CDH13: variants seen among roughly 807,000 people sequenced by gnomAD.
CDH13 encodes cadherin 13.
Under a neutral mutation model 63.8 loss-of-function variants are expected in CDH13, and 24 were observed. That is an observed-to-expected ratio of 0.38 (90% CI 0.27 to 0.53). The LOEUF is 0.53. Ranked by LOEUF, CDH13 falls within the 20% of genes least tolerant of loss-of-function variation. CDH13 has a pLI of 0.85. For synonymous variants in CDH13, 503 were observed against 355.3 expected (o/e 1.42, Z -4.67); for missense variants, 1,049 against 903.1 (o/e 1.16, Z -2.07).
chr16:82,803,850 C>T (rs1458606185), intron 1 of CDH13, among the ~76,000 whole-genome samples: 1 of 152,134 alleles, frequency 6.6e-6, no homozygotes, highest in Non-Finnish European at 1.5e-5. Flanking sequence ...GGGTATAAAG[C>T]ATCAATTATA....
intron 10 of CDH13, among the ~76,000 whole-genome samples, chr16:83,693,847 A>G (rs1172756892): frequency 6.6e-6 from 1 of 152,226 alleles, no homozygotes; most frequent in Non-Finnish European, 1.5e-5. Context: ...TGCTCTGCAA[A>G]GTACCTCACA....
chr16:82,919,469 T>C (rs1042012908), intron 2 of CDH13, among the ~76,000 whole-genome samples: 1 of 152,228 alleles, frequency 6.6e-6, no homozygotes, highest in African/African-American at 2.4e-5. Context: ...TATTTGGTTT[T>C]CTGTTCTTGT....
chr16:82,881,787 ACTAT>A (rs1467729445), intron 2 of CDH13, among the ~76,000 whole-genome samples: 1 of 152,056 alleles, frequency 6.6e-6, no homozygotes, highest in East Asian at 1.9e-4. Context: ...GAGGGGGCTG[ACTAT>A]CTGAGTGTCC....
At chr16:83,306,171 G>C (rs2151881156) in intron 5 of CDH13, among the ~76,000 whole-genome samples, 3 of 152,298 alleles carry the variant, frequency 2.0e-5, no homozygotes, top group Admixed American at 2.0e-4. Flanking sequence ...CGTTGTCACT[G>C]GTTGAGAACT....
chr16:83,599,973 A>T (rs1711641883), intron 7 of CDH13, among the ~76,000 whole-genome samples: 1 of 152,194 alleles, frequency 6.6e-6, no homozygotes, highest in South Asian at 2.1e-4. Flanking sequence ...ATTATAGCCA[A>T]TAGTACATGC....
intron 5 of CDH13, among the ~76,000 whole-genome samples, chr16:83,251,585 C>T (rs978660332): frequency 2.6e-5 from 4 of 152,312 alleles, no homozygotes; most frequent in Admixed American, 1.3e-4. Context: ...TCCTGAATGT[C>T]AGGAGGCAGC....
intron 1 of CDH13, among the ~76,000 whole-genome samples, chr16:82,780,698 G>C (rs2035715202): frequency 6.6e-6 from 1 of 152,254 alleles, no homozygotes; most frequent in South Asian, 2.1e-4. Flanking sequence ...ATTACAATTG[G>C]CATGATTAGC....
At chr16:83,433,955 A>G (rs189644834) in intron 6 of CDH13, among the ~76,000 whole-genome samples, 27 of 152,214 alleles carry the variant, frequency 1.8e-4, no homozygotes, top group East Asian at 1.7e-3. Flanking sequence ...GGGGGAATCA[A>G]TCTTTTCTAT....
intron 6 of CDH13, among the ~76,000 whole-genome samples, chr16:83,350,265 G>C (rs1345355872): frequency 3.3e-5 from 5 of 152,236 alleles, no homozygotes; most frequent in African/African-American, 4.8e-5. Flanking sequence ...GCAGCTGGGA[G>C]AATGGCAGCC....
chr16:82,653,421 G>C lies in CDH13; in HGVS notation c.45+26284G>C, dbSNP rs189293189. On this transcript the variant is annotated intron_variant, in intron 1 of 13. Transcript: ENST00000567109. ...GCCCAACTTTGGAGGAGAACAGAGA[G>C]AGGGACCCAGGAAGGCCTTCTGGGG... is the stretch of plus-strand genomic sequence containing the variant. 3.3e-5 allele frequency among the ~76,000 whole-genome samples: 5 copies of C among 152,334 alleles called. No homozygotes were observed. In the East Asian group the frequency reaches 9.6e-4, roughly 29 times the overall value.
intron 5 of CDH13, among the ~76,000 whole-genome samples, chr16:83,334,403 CCTCT>C (rs2090548133): frequency 1.5e-5 from 2 of 132,170 alleles, no homozygotes; most frequent in East Asian, 2.4e-4. Flanking sequence ...ACAGAATCTC[CCTCT>C]GTCACCTAGG....
chr16:82,706,366 T>C (rs961008289), intron 1 of CDH13, among the ~76,000 whole-genome samples: 5 of 152,106 alleles, frequency 3.3e-5, no homozygotes, highest in Non-Finnish European at 7.4e-5. Flanking sequence ...TGATAGGGAA[T>C]GGCTTTGGGG....
intron 8 of CDH13, among the ~76,000 whole-genome samples, chr16:83,630,383 G>A (rs113177419): frequency 6.6e-5 from 10 of 152,296 alleles, no homozygotes; most frequent in African/African-American, 1.9e-4. Context: ...ACACGTGCCC[G>A]AGGTGCTCAG....
chr16:83,286,023 A>G (rs1381802745), intron 5 of CDH13, among the ~76,000 whole-genome samples: 2 of 152,142 alleles, frequency 1.3e-5, no homozygotes, highest in Non-Finnish European at 2.9e-5. Flanking sequence ...TGCCCAAGAA[A>G]TAATGGCTCA....
chr16:82,979,223 G>C (rs909932362), intron 2 of CDH13, among the ~76,000 whole-genome samples: 1 of 152,200 alleles, frequency 6.6e-6, no homozygotes, highest in Non-Finnish European at 1.5e-5. Flanking sequence ...GGATTTTACA[G>C]GCTTGTAGGC....
chr16:83,506,123 G>A (rs1391719740), intron 7 of CDH13, among the ~76,000 whole-genome samples: 1 of 152,168 alleles, frequency 6.6e-6, no homozygotes, highest in African/African-American at 2.4e-5. Flanking sequence ...AGTTGTTCCA[G>A]TCCAAGGGAG....
At chr16:83,560,580 C>T (rs1263369919) in intron 7 of CDH13, among the ~76,000 whole-genome samples, 1 of 152,168 alleles carries the variant, frequency 6.6e-6, no homozygotes, top group Non-Finnish European at 1.5e-5. Flanking sequence ...ATGAGCAACT[C>T]CTAAAGACCT....
intron 3 of CDH13, among the ~76,000 whole-genome samples, chr16:83,034,752 G>A (rs144487414): frequency 8.3e-4 from 126 of 152,260 alleles, no homozygotes; most frequent in African/African-American, 2.7e-3. Context: ...CAGGTTCTCG[G>A]GACCAACCCC....
At chr16:83,465,448 G>A (rs1331011932) in intron 6 of CDH13, among the ~76,000 whole-genome samples, 1 of 152,234 alleles carries the variant, frequency 6.6e-6, no homozygotes, top group African/African-American at 2.4e-5. Context: ...CATGGACATA[G>A]ATGTAACACC....
Sources: gnomAD v4.1 joint callset for allele counts (sites outside exome capture counted in the v4.1 genomes callset) on GRCh38, gnomAD v4.1.1 for gene constraint, MANE v1.5 for transcripts, NCBI Gene and HGNC (gene_info 2026-07-23, HGNC 2026-07-21) for gene names.